The following SNX25 variants were observed in gnomAD, a reference collection of about 807,000 sequenced individuals.
SNX25 encodes the protein sorting nexin 25.
SNX25 carries 62 observed loss-of-function variants against 113.7 expected under a neutral mutation model. That is an observed-to-expected ratio of 0.55 (90% CI 0.44 to 0.67). The LOEUF (loss-of-function observed/expected upper bound fraction) is 0.67, where lower values mean the gene tolerates loss of function less well. Ranked by LOEUF, SNX25 falls within the 30% of genes least tolerant of loss-of-function variation. The pLI is 0.00. For missense variants in SNX25, 1,014 were observed against 1,161.0 expected, an observed-to-expected ratio of 0.87 and a Z score of 1.84; for synonymous variants, 421 against 436.2, an observed-to-expected ratio of 0.97 and a Z score of 0.43.
chr4:185,290,352 G>A (rs899846547), intron 6 of SNX25, among the ~76,000 whole-genome samples: 2 of 152,138 alleles, frequency 1.3e-5, no homozygotes, highest in Non-Finnish European at 2.9e-5. Flanking sequence ...ACTCTTTTGG[G>A]TATCCTGGCT....
chr4:185,297,312 C>A (rs1423990645), intron 6 of SNX25, among the ~76,000 whole-genome samples: 1 of 152,172 alleles, frequency 6.6e-6, no homozygotes, highest in Admixed American at 6.5e-5. Context: ...ATGAATATTT[C>A]CATCATTACA....
chr4:185,223,234 G>A (rs1224227861), intron 1 of SNX25, among the ~76,000 whole-genome samples: 1 of 152,006 alleles, frequency 6.6e-6, no homozygotes, highest in Non-Finnish European at 1.5e-5. Context: ...TCGCTCAAAT[G>A]TGCATTAGTG....
At chr4:185,369,013 C>G (rs1485398502) in intron 11 of SNX25, among the ~76,000 whole-genome samples, 2 of 151,986 alleles carry the variant, frequency 1.3e-5, no homozygotes, top group Admixed American at 1.3e-4. Flanking sequence ...AGGTTGGTCT[C>G]ACACTCTTGG....
intron 3 of SNX25, among the ~76,000 whole-genome samples, chr4:185,263,869 G>A (rs1560947818): frequency 6.6e-6 from 1 of 152,248 alleles, no homozygotes; most frequent in East Asian, 1.9e-4. Context: ...AATGTTCCTG[G>A]GATGGAGTCA....
At chr4:185,361,808 A>G (rs2095365588) in intron 16 of SNX25, 116 bp from the exon 17 acceptor site, 1 of 718,188 alleles carries the variant, frequency 1.4e-6, no homozygotes, top group African/African-American at 1.8e-5. Context: ...TTCCTAGTTT[A>G]TTCATCAAAC....
chr4:185,224,397 A>G (rs932726387), intron 1 of SNX25, among the ~76,000 whole-genome samples: 27 of 145,768 alleles, frequency 1.9e-4, no homozygotes, highest in African/African-American at 6.5e-4. Context: ...ATATAAATAT[A>G]TAAAAATATA....
At chr4:185,245,870 A>G (rs1433373271) in intron 1 of SNX25, among the ~76,000 whole-genome samples, 6 of 152,254 alleles carry the variant, frequency 3.9e-5, no homozygotes, top group African/African-American at 7.2e-5. Context: ...TGACGTATAT[A>G]TAAAAACTTG....
At chr4:185,241,149 C>T (rs909126828) in intron 1 of SNX25, among the ~76,000 whole-genome samples, 4 of 151,640 alleles carry the variant, frequency 2.6e-5, no homozygotes, top group Admixed American at 6.6e-5. Flanking sequence ...GAGGTTGTAG[C>T]GAGCCGAGAT....
intron 2 of SNX25, among the ~76,000 whole-genome samples, chr4:185,254,685 G>GT (rs1746153334): frequency 6.6e-6 from 1 of 152,048 alleles, no homozygotes. Context: ...CTGTTTTCAG[G>GT]TTAACCTAAC....
chr4:185,326,535 T>G (rs946112577), intron 9 of SNX25, among the ~76,000 whole-genome samples: 20 of 152,284 alleles, frequency 1.3e-4, no homozygotes, highest in Non-Finnish European at 2.8e-4. Flanking sequence ...TGGCACAAAA[T>G]AATTTTAACA....
chr4:185,287,541 G>T (rs956822910), intron 5 of SNX25, among the ~76,000 whole-genome samples: 1 of 152,206 alleles, frequency 6.6e-6, no homozygotes, highest in Non-Finnish European at 1.5e-5. Flanking sequence ...GCCCGGTGTG[G>T]TCCACAAGCC....
At chr4:185,371,363 C>T (rs1343223959), downstream of SNX25, among the ~76,000 whole-genome samples, 5 of 151,780 alleles carry the variant, frequency 3.3e-5, no homozygotes, top group East Asian at 9.7e-4. Flanking sequence ...CATGGTGAAA[C>T]CCCGTCTCTA....
At chr4:185,365,110 T>G (rs1216400091), downstream of SNX25, 1 of 152,066 alleles carries the variant, frequency 6.6e-6, no homozygotes, top group African/African-American at 2.4e-5. Flanking sequence ...GTCAAGGGGT[T>G]TACTACTGTC....
intron 1 of SNX25, among the ~76,000 whole-genome samples, chr4:185,245,442 A>G (rs1744726931): frequency 6.6e-6 from 1 of 151,880 alleles, no homozygotes; most frequent in Non-Finnish European, 1.5e-5. Context: ...GGTTCAAGCT[A>G]TTCTCATGCC....
chr4:185,205,806 G>A (rs758230114), upstream of SNX25, among the ~76,000 whole-genome samples: 2 of 152,194 alleles, frequency 1.3e-5, no homozygotes, highest in Non-Finnish European at 2.9e-5. Context: ...TCCAGCCTGG[G>A]CGACAGAGCA....
upstream of SNX25, among the ~76,000 whole-genome samples, chr4:185,205,534 G>T (rs893031761): frequency 6.6e-5 from 10 of 152,036 alleles, no homozygotes; most frequent in South Asian, 1.9e-3. Context: ...AGGGATAGTT[G>T]TTAAACTGTG....
intron 6 of SNX25, 110 bp from the exon 7 acceptor site, chr4:185,310,525 G>A: frequency 1.3e-6 from 1 of 775,594 alleles, no homozygotes; most frequent in East Asian, 2.7e-5. Flanking sequence ...ATTTTGTTTA[G>A]TATCCACTTG....
At chr4:185,260,107 G>C (rs1233914211) in intron 3 of SNX25, among the ~76,000 whole-genome samples, 3 of 151,996 alleles carry the variant, frequency 2.0e-5, no homozygotes. Flanking sequence ...CAGTACTTTT[G>C]TTACCTCTGA....
intron 5 of SNX25, among the ~76,000 whole-genome samples, chr4:185,272,934 T>C (rs575314354): frequency 6.6e-6 from 1 of 152,342 alleles, no homozygotes; most frequent in East Asian, 1.9e-4. Context: ...TAATTCTTTA[T>C]TGTGGGAGGT....
Sources: gnomAD v4.1 joint callset for allele counts (sites outside exome capture counted in the v4.1 genomes callset) on GRCh38, gnomAD v4.1.1 for gene constraint, MANE v1.5 for transcripts, NCBI Gene and HGNC (gene_info 2026-07-23, HGNC 2026-07-21) for gene names.